Variants in ASCC3 observed in about 807,000 individuals in gnomAD.
ASCC3 encodes the protein ASC-1 complex subunit P200.
A neutral mutation model predicts 256.3 loss-of-function variants in ASCC3; 158 were observed. The observed-to-expected ratio is 0.62, with a 90% confidence interval of 0.54 to 0.70. The LOEUF (loss-of-function observed/expected upper bound fraction) is 0.70. Ranked by LOEUF, ASCC3 falls within the 30% of genes least tolerant of loss-of-function variation. The pLI is 0.00. For synonymous variants in ASCC3, 948 were observed against 883.4 expected, an observed-to-expected ratio of 1.07 and a Z score of -1.30; for missense variants, 2,259 against 2,626.0, an observed-to-expected ratio of 0.86 and a Z score of 3.05.
chr6:100,725,432 A>G lies in ASCC3; in HGVS notation c.1902+107T>C, dbSNP rs1157959234. Reference sequence around the variant, plus strand: ...TTTTAAAAATATGAAGATTATGTCAATATTAGATTTAGCTTTGTAACACAG... The same window carrying G: ...TTTTAAAAATATGAAGATTATGTCAGTATTAGATTTAGCTTTGTAACACAG... On this transcript the variant is annotated intron_variant, in intron 11 of 41. Coordinates refer to ENST00000369162, the MANE Select transcript of ASCC3 (RefSeq NM_006828.4). The G allele has an allele frequency of 3.3e-6, 4 of 1,197,194 alleles. No homozygotes were observed. In the Admixed American group the frequency reaches 5.7e-5, roughly 17 times the overall value. The allele number at this position is 1,197,194 out of a possible 1,614,324, so 74.2% of individuals were successfully genotyped here. A position where few individuals can be genotyped will look rare whatever the true frequency, so the allele number is the denominator to read the frequency against.
chr6:100,580,879 A>G (rs1368580679), intron 36 of ASCC3, among the ~76,000 whole-genome samples: 2 of 151,926 alleles, frequency 1.3e-5, no homozygotes, highest in African/African-American at 4.8e-5. Context: ...GATGATTTCC[A>G]ATTGCATCCA....
At chr6:100,776,708 A>T (rs1459467183) in intron 8 of ASCC3, among the ~76,000 whole-genome samples, 1 of 152,040 alleles carries the variant, frequency 6.6e-6, no homozygotes, top group Non-Finnish European at 1.5e-5. Context: ...TATACAGTAA[A>T]CATACCTCAT....
chr6:100,816,915 G>A (rs1438948023), intron 4 of ASCC3, among the ~76,000 whole-genome samples: 2 of 150,186 alleles, frequency 1.3e-5, no homozygotes, highest in Non-Finnish European at 3.0e-5. Context: ...TAAAAGTTAA[G>A]AAATATAAAA....
intron 25 of ASCC3, among the ~76,000 whole-genome samples, chr6:100,631,567 A>G (rs901890676): frequency 6.6e-6 from 1 of 151,914 alleles, no homozygotes; most frequent in East Asian, 1.9e-4. Flanking sequence ...ATAATACACT[A>G]TAAGAGAAAA....
At position 100,605,642 on chromosome 6, in the gene ASCC3, A is replaced by G. The variant is rs1772844643; in HGVS notation, c.5103T>C (p.Ala1701=). ...TCTTTATGTCATGAACTAGAATTAC[A>G]GCTTTGCCTTGGTCATCGAACTGCG... ...GRPQFDDQGK[A]VILVHDIKKD... The change falls in exon 33 of 42, where the codon GCT becomes GCC. Residue 1701 remains alanine, a synonymous_variant. Transcript: ENST00000369162. 3 of 1,609,146 alleles carry G rather than the reference A, an allele frequency of 1.9e-6. No individual in the cohort carries two copies. The highest frequency in any genetic ancestry group is 2.2e-5 in the South Asian group (2 of 90,968).
chr6:100,587,166 T>C (rs1171920107), intron 36 of ASCC3, among the ~76,000 whole-genome samples: 2 of 152,178 alleles, frequency 1.3e-5, no homozygotes, highest in African/African-American at 4.8e-5. Flanking sequence ...GCTATTATCA[T>C]CCTGCACCCT....
chr6:100,724,106 G>A (rs1421400758), intron 11 of ASCC3, among the ~76,000 whole-genome samples: 1 of 146,710 alleles, frequency 6.8e-6, no homozygotes, highest in Non-Finnish European at 1.5e-5. Flanking sequence ...TTGAGAACAG[G>A]GAAGAAGCAA....
Position 100,611,360 on chromosome 6 carries a change from T to C in ASCC3, c.4786-4272A>G, listed in dbSNP as rs141117157. Reference sequence around the variant, plus strand: ...AGCACAAAATACTACTAGGACGGCCTATACAAATTTGAAAATCTAATTTTT... The same window carrying C: ...AGCACAAAATACTACTAGGACGGCCCATACAAATTTGAAAATCTAATTTTT... On this transcript the variant is annotated intron_variant, in intron 30 of 41. Transcript: ENST00000369162. Among the ~76,000 whole-genome samples, 31 of 152,214 alleles carry C rather than the reference T, an allele frequency of 2.0e-4. No homozygotes were observed. The East Asian group carries it at 5.8e-3, about 28-fold the overall frequency.
At chr6:100,603,117 G>A (rs1015883435) in intron 33 of ASCC3, among the ~76,000 whole-genome samples, 2 of 151,808 alleles carry the variant, frequency 1.3e-5, no homozygotes, top group Non-Finnish European at 2.9e-5. Flanking sequence ...TCACTGCAAC[G>A]TTATACATAA....
intron 13 of ASCC3, among the ~76,000 whole-genome samples, chr6:100,686,586 T>C (rs1267661904): frequency 3.9e-5 from 6 of 152,214 alleles, no homozygotes; most frequent in Non-Finnish European, 7.4e-5. Context: ...TTCCATTACA[T>C]AGAAACACCA....
intron 13 of ASCC3, 181 bp downstream of exon 13, chr6:100,715,281 T>C: frequency 3.5e-6 from 2 of 575,834 alleles, no homozygotes; most frequent in Non-Finnish European, 6.1e-6. Flanking sequence ...ATAATATCTA[T>C]GAATATTTTT....
In ASCC3 at chr6:100,867,994, C is replaced by T; in HGVS notation, c.4G>A (p.Ala2Thr). Residue 2 changes from alanine to threonine, a missense_variant, in exon 2 of 42, where the codon GCT becomes ACT. Around this residue, in one of 2 missense-constraint regions of ASCC3, gnomAD observed 420 missense variants for 419.3 expected, o/e 1.00. Transcript: ENST00000369162. M[A>T]LPRLTGALRS... Reference sequence around the variant, plus strand: ...AAGGCTCCTGTGAGACGAGGTAAAGCCATCTATTATTCAATCAGTGATCCA... The same window carrying T: ...AAGGCTCCTGTGAGACGAGGTAAAGTCATCTATTATTCAATCAGTGATCCA... 1 of 1,611,084 alleles carries T rather than the reference C, an allele frequency of 6.2e-7. No homozygotes were observed. Among genetic ancestry groups the T allele is most frequent in the Non-Finnish European group, 8.5e-7 (1 of 1,177,480 alleles).
chr6:100,673,695 A>AG (rs1455360238), intron 14 of ASCC3, among the ~76,000 whole-genome samples: 2 of 152,206 alleles, frequency 1.3e-5, no homozygotes, highest in Non-Finnish European at 2.9e-5. Context: ...ATGTCCCTTG[A>AG]TTGGAAGAAA....
intron 11 of ASCC3, among the ~76,000 whole-genome samples, chr6:100,720,742 T>C (rs1469324535): frequency 1.3e-5 from 2 of 151,214 alleles, no homozygotes; most frequent in Admixed American, 6.6e-5. Flanking sequence ...ATGGGCAAAG[T>C]AGTACAAAAC....
At chr6:100,727,836 G>A (rs1435630749) in intron 10 of ASCC3, among the ~76,000 whole-genome samples, 1 of 151,940 alleles carries the variant, frequency 6.6e-6, no homozygotes. Flanking sequence ...AGGGGGAGGG[G>A]GGCCAGACAG....
At chr6:100,839,784 T>C (rs1246777669) in intron 4 of ASCC3, among the ~76,000 whole-genome samples, 1 of 152,192 alleles carries the variant, frequency 6.6e-6, no homozygotes, top group East Asian at 1.9e-4. Flanking sequence ...TTCTTCCATA[T>C]ACAGCTCTTC....
intron 30 of ASCC3, among the ~76,000 whole-genome samples, chr6:100,608,059 CACAT>C (rs1773000721): frequency 7.2e-5 from 1 of 13,920 alleles, no homozygotes; most frequent in African/African-American, 2.0e-4. Flanking sequence ...TACATATATA[CACAT>C]ATATATACAT....
intron 36 of ASCC3, among the ~76,000 whole-genome samples, chr6:100,560,401 C>G (rs1246805462): frequency 6.6e-6 from 1 of 152,046 alleles, no homozygotes; most frequent in South Asian, 2.1e-4. Context: ...TTCTGTTTCC[C>G]CCAGAATCAG....
intron 26 of ASCC3, among the ~76,000 whole-genome samples, chr6:100,629,601 A>AT (rs1774427843): frequency 6.6e-6 from 1 of 152,232 alleles, no homozygotes; most frequent in Non-Finnish European, 1.5e-5. Flanking sequence ...AATATTTAGG[A>AT]TTATGTGTAA....
Sources: allele counts gnomAD v4.1 joint callset (sites outside exome capture counted in the v4.1 genomes callset), GRCh38; gene constraint gnomAD v4.1.1; regional missense constraint gnomAD v4.1.1; transcripts MANE v1.5; gene names NCBI Gene and HGNC (gene_info 2026-07-23, HGNC 2026-07-21).